The following MAPKAPK3 variants were observed in gnomAD, a reference collection of about 807,000 sequenced individuals.
The protein encoded by MAPKAPK3 is MAP kinase-activated protein kinase 3.
Under a neutral mutation model 49.2 loss-of-function variants are expected in MAPKAPK3, and 35 were observed. The ratio of observed to expected loss-of-function variants is 0.71; its 90% CI spans 0.54 to 0.94. The LOEUF (loss-of-function observed/expected upper bound fraction) is 0.94. Ranked by LOEUF, MAPKAPK3 falls within the 40% of genes least tolerant of loss-of-function variation. The probability of loss-of-function intolerance (pLI) is 0.00; values close to 1 mark genes in which losing one functional copy is unlikely to be tolerated. For missense variants in MAPKAPK3, 398 were observed against 493.1 expected (o/e 0.81, Z 1.83); for synonymous variants, 178 against 188.7 (o/e 0.94, Z 0.46).
chr3:50,639,387 G>A (rs1217600218), intron 2 of MAPKAPK3, among the ~76,000 whole-genome samples: 1 of 152,124 alleles, frequency 6.6e-6, no homozygotes, highest in Non-Finnish European at 1.5e-5. Context: ...CATGGAATGA[G>A]GGTGGAGGCT....
intron 2 of MAPKAPK3, among the ~76,000 whole-genome samples, chr3:50,627,457 G>A (rs1362817001): frequency 6.6e-6 from 1 of 152,208 alleles, no homozygotes. Context: ...GATGCCACCA[G>A]CAAGGGCTAT....
At chr3:50,620,748 A>G (rs1224182676) in intron 2 of MAPKAPK3, among the ~76,000 whole-genome samples, 2 of 152,180 alleles carry the variant, frequency 1.3e-5, no homozygotes, top group African/African-American at 4.8e-5. Flanking sequence ...CAGTGCAGCC[A>G]TTCTACTCCA....
At chr3:50,639,542 C>A (rs1276140201) in intron 2 of MAPKAPK3, among the ~76,000 whole-genome samples, 1 of 152,188 alleles carries the variant, frequency 6.6e-6, no homozygotes, top group East Asian at 1.9e-4. Context: ...CCAAGCAACT[C>A]ATTTTAGAAG....
In MAPKAPK3 at chr3:50,647,939, C is replaced by A. The variant is rs1232255502; in HGVS notation, c.1042C>A (p.Gln348Lys). The stretch of plus-strand genomic sequence containing the variant: ...GGCCACTATGCGGGTAGACTACGAC[C>A]AGGTGAAGATCAAGGACCTGAAGAC... ...ALATMRVDYDQVKIKDLKTSN... is the reference protein window; with the variant it reads ...ALATMRVDYDKVKIKDLKTSN... Residue 348 changes from glutamine to lysine, a missense_variant, in exon 11 of 11, where the codon CAG becomes AAG. This residue lies in a region of MAPKAPK3 where 152 missense variants were observed against 177.3 expected (regional missense o/e 0.86). Transcript: ENST00000621469. 6.2e-7 allele frequency: 1 copy of A among 1,614,020 alleles called. No homozygotes were observed. Among genetic ancestry groups the A allele is most frequent in the East Asian group, 2.2e-5 (1 of 44,870 alleles).
chr3:50,617,596 G>A lies in MAPKAPK3; in HGVS notation c.31G>A (p.Gly11Ser). 1 of 1,593,668 alleles carries A rather than the reference G, an allele frequency of 6.3e-7. No homozygotes were observed. Among genetic ancestry groups the A allele is most frequent in the Non-Finnish European group, 8.6e-7 (1 of 1,164,102 alleles). The change falls in exon 2 of 11, where the codon GGC (glycine) becomes AGC (serine). Residue 11 changes from glycine to serine, a missense_variant. Around this residue, in one of 5 missense-constraint regions of MAPKAPK3, gnomAD observed 123 missense variants for 117.7 expected, o/e 1.04. Coordinates refer to ENST00000621469, the MANE Select transcript of MAPKAPK3 (RefSeq NM_001243925.2). The part of the protein sequence containing the change: MDGETAEEQG[G>S]PVPPPVAPGG... ...TGGTGAAACAGCAGAGGAGCAGGGG[G>A]GCCCTGTGCCCCCGCCAGTTGCACC...
At position 50,647,936 on chromosome 3, in the gene MAPKAPK3, G is replaced by C; in HGVS notation, c.1039G>C (p.Asp347His). The C allele has an allele frequency of 6.2e-7, 1 of 1,613,988 alleles. No homozygotes were observed. The highest frequency in any genetic ancestry group is 1.3e-5 in the African/African-American group (1 of 75,044). The change falls in exon 11 of 11, where the codon GAC (aspartate) becomes CAC (histidine). Residue 347 changes from aspartate (D) to histidine (H), a missense_variant. Asp to His is a moderately conservative substitution (Grantham distance 81). Transcript: ENST00000621469. ...SALATMRVDY[D>H]QVKIKDLKTS... ...CTTGGCCACTATGCGGGTAGACTAC[G>C]ACCAGGTGAAGATCAAGGACCTGAA...
Position 50,641,702 on chromosome 3 carries a change from T to C in MAPKAPK3, c.360-5T>C. On this transcript the variant is annotated splice_region_variant and splice_polypyrimidine_tract_variant and intron_variant, in intron 3 of 10. Transcript: ENST00000621469. ...CCTCTCTGCTTATAGTCACCTCTTT[T>C]ACAGCATGGAAGGTGGTGAGTTGTT... 2 of 1,613,712 alleles carry C rather than the reference T, an allele frequency of 1.2e-6. No individual in the cohort carries two copies. Among genetic ancestry groups the C allele is most frequent in the Non-Finnish European group, 1.7e-6 (2 of 1,179,576 alleles).
rs547308546 is a variant in MAPKAPK3, at chr3:50,636,392, A to G, written c.220-3974A>G. 5.3e-5 allele frequency among the ~76,000 whole-genome samples: 8 copies of G among 152,376 alleles called. No individual in the cohort carries two copies. In the South Asian group the frequency reaches 1.7e-3, roughly 32 times the overall value. On this transcript the variant is annotated intron_variant, in intron 2 of 10. Transcript: ENST00000621469. ...ACTCCAAACAGAGCCAGGCACATTG[A>G]AAGTACAATATCTGTATGTGTGTTT...
At chr3:50,632,655 A>T (rs373111476) in intron 2 of MAPKAPK3, among the ~76,000 whole-genome samples, 98 of 152,344 alleles carry the variant, frequency 6.4e-4, no homozygotes, top group African/African-American at 2.3e-3. Flanking sequence ...TGCCTCGTTG[A>T]TGGGAGAGAT....
At chr3:50,645,279 G>A (rs1272791746) in intron 6 of MAPKAPK3, among the ~76,000 whole-genome samples, 1 of 152,154 alleles carries the variant, frequency 6.6e-6, no homozygotes, top group Non-Finnish European at 1.5e-5. Flanking sequence ...TCCATGGATT[G>A]GTAGCCAAGC....
In MAPKAPK3 at chr3:50,647,784, G is replaced by A. The variant is rs546797843; in HGVS notation, c.997-110G>A. ...GTGCTGGGCACACAGTGGGCACAGA[G>A]GCAGCACAGGCTGTCACTGACATTA... On this transcript the variant is annotated intron_variant, in intron 10 of 10. Coordinates refer to ENST00000621469, the MANE Select transcript of MAPKAPK3 (RefSeq NM_001243925.2). The A allele has an allele frequency of 2.1e-5, 22 of 1,058,396 alleles. No individual in the cohort carries two copies. The African/African-American group carries it at 3.5e-4, about 17-fold the overall frequency. The allele number at this position is 1,058,396 out of a possible 1,614,324, so 65.6% of individuals were successfully genotyped here. A position where few individuals can be genotyped will look rare whatever the true frequency, so the allele number is the denominator to read the frequency against.
intron 2 of MAPKAPK3, among the ~76,000 whole-genome samples, chr3:50,638,543 T>C (rs1309266036): frequency 6.6e-6 from 1 of 152,174 alleles, no homozygotes; most frequent in African/African-American, 2.4e-5. Context: ...CTCTGGGTAA[T>C]GGAGCAGGGG....
intron 2 of MAPKAPK3, among the ~76,000 whole-genome samples, chr3:50,635,406 C>CCT (rs2033010632): frequency 4.1e-5 from 2 of 48,580 alleles, no homozygotes; most frequent in Non-Finnish European, 6.7e-5. Context: ...TCAATTTAAT[C>CCT]TTTTTTTTTT....
chr3:50,645,285 C>T (rs944761807), intron 6 of MAPKAPK3, among the ~76,000 whole-genome samples: 2 of 152,124 alleles, frequency 1.3e-5, no homozygotes, highest in Admixed American at 1.3e-4. Flanking sequence ...GATTGGTAGC[C>T]AAGCTGATGA....
chr3:50,641,781 T>C lies in MAPKAPK3; in HGVS notation c.424+10T>C, dbSNP rs1033731175. ...GCTTTCACTGAGAGAGGTATGTGCA[T>C]GTAGCTGGACCAGCAGGAGGATTCA... On this transcript the variant is annotated intron_variant, in intron 4 of 10. Coordinates refer to ENST00000621469, the MANE Select transcript of MAPKAPK3 (RefSeq NM_001243925.2). The C allele has an allele frequency of 2.5e-6, 4 of 1,613,206 alleles. No homozygotes were observed. Among genetic ancestry groups the C allele is most frequent in the South Asian group, 1.1e-5 (1 of 91,064 alleles).
chr3:50,643,012 T>C (rs1170096121), intron 5 of MAPKAPK3, among the ~76,000 whole-genome samples: 1 of 152,104 alleles, frequency 6.6e-6, no homozygotes, highest in African/African-American at 2.4e-5. Context: ...CCACCACACC[T>C]GGCTAATTTT....
rs967309080 is a variant in MAPKAPK3, at chr3:50,626,707, A to G, written c.219+8923A>G. 2.6e-5 allele frequency among the ~76,000 whole-genome samples: 4 copies of G among 152,294 alleles called. No individual in the cohort carries two copies. The South Asian group carries it at 8.3e-4, about 32-fold the overall frequency. ...TGCCTCCTACATGTCAGGCACAAAC[A>G]CTGCAGAATCAGAATGGATTATCAC... On this transcript the variant is annotated intron_variant, in intron 2 of 10. Coordinates refer to ENST00000621469, the MANE Select transcript of MAPKAPK3 (RefSeq NM_001243925.2).
At chr3:50,644,604 G>A in intron 6 of MAPKAPK3, 72 bp downstream of exon 6, 1 of 1,531,784 alleles carries the variant, frequency 6.5e-7, no homozygotes, top group Non-Finnish European at 8.9e-7. Context: ...TAGCCAGTGG[G>A]TTGCAGAAAC....
At chr3:50,611,695 G>A (rs756062831), upstream of MAPKAPK3, 99 of 1,455,594 alleles carry the variant, frequency 6.8e-5, no homozygotes, top group South Asian at 1.2e-3. Flanking sequence ...TCGGCTGGAC[G>A]GCGGCGGCTG....
Sources: allele counts gnomAD v4.1 joint callset (sites outside exome capture counted in the v4.1 genomes callset), GRCh38; gene constraint gnomAD v4.1.1; regional missense constraint gnomAD v4.1.1; transcripts MANE v1.5; gene names NCBI Gene and HGNC (gene_info 2026-07-23, HGNC 2026-07-21).